MAGI2: variants seen among roughly 807,000 people sequenced by gnomAD.
The protein encoded by MAGI2 is membrane associated guanylate kinase, WW and PDZ domain containing 2, also known as membrane-associated guanylate kinase, WW and PDZ domain-containing protein 2.
MAGI2 carries 35 observed loss-of-function variants against 133.3 expected under a neutral mutation model. The observed-to-expected ratio is 0.26, with a 90% CI of 0.20 to 0.35. The LOEUF is 0.35. Among genes scored for constraint, MAGI2 ranks in the 10% least tolerant of loss-of-function variants. MAGI2 has a pLI of 1.00. For synonymous variants in MAGI2, 729 were observed against 710.6 expected (o/e 1.03, Z -0.41); for missense variants, 1,636 against 1,863.4 (o/e 0.88, Z 2.25).
rs905683946 is a variant in MAGI2 at position 78,759,176 on chromosome 7, G to A, written c.419-131937C>T. On this transcript the variant is annotated intron_variant, in intron 2 of 21. Transcript: ENST00000354212. ...TTAATGTCAATAAAATAACAAAATAGTCTCCATATTAAGTAATCAAGTCTA... is the reference window on the plus strand; with the variant it reads ...TTAATGTCAATAAAATAACAAAATAATCTCCATATTAAGTAATCAAGTCTA... 3.3e-5 allele frequency among the ~76,000 whole-genome samples: 5 copies of A among 151,938 alleles called. No homozygotes were observed. The South Asian group carries it at 8.3e-4, about 25-fold the overall frequency.
Position 78,160,149 on chromosome 7 carries a change from G to A in MAGI2, c.2721C>T (p.Pro907=), listed in dbSNP as rs766902951. 3 of 1,612,804 alleles carry A rather than the reference G, an allele frequency of 1.9e-6. No individual in the cohort carries two copies. Among genetic ancestry groups the A allele is most frequent in the East Asian group, 4.5e-5 (2 of 44,858 alleles). The change falls in exon 16 of 22, where the codon CCC becomes CCT. Residue 907 remains proline, a synonymous_variant. Coordinates refer to ENST00000354212, the MANE Select transcript of MAGI2 (RefSeq NM_012301.4). The part of the protein sequence containing the change: ...NHAAPSSNAS[P]PEGFASHSLQ... ...GGCTGTGGGAGGCGAAGCCTTCAGGGGGAGAGGCATTGCTACTGGGGGCAG... is the reference window on the plus strand; with the variant it reads ...GGCTGTGGGAGGCGAAGCCTTCAGGAGGAGAGGCATTGCTACTGGGGGCAG...
chr7:78,943,582 T>A (rs1368565774), intron 2 of MAGI2, among the ~76,000 whole-genome samples: 1 of 152,212 alleles, frequency 6.6e-6, no homozygotes, highest in Non-Finnish European at 1.5e-5. Flanking sequence ...AGTATGCTTT[T>A]AATGTTTTGT....
intron 2 of MAGI2, among the ~76,000 whole-genome samples, chr7:78,898,406 A>G (rs1004416727): frequency 3.3e-5 from 5 of 152,200 alleles, no homozygotes; most frequent in Non-Finnish European, 7.3e-5. Context: ...ATCAACCTAA[A>G]TGTCCATTAA....
intron 1 of MAGI2, among the ~76,000 whole-genome samples, chr7:79,238,236 T>G (rs1198852043): frequency 6.6e-6 from 1 of 152,164 alleles, no homozygotes; most frequent in African/African-American, 2.4e-5. Context: ...TTTGTACTAT[T>G]TCATTATTCT....
At chr7:79,013,937 T>C (rs1365647904) in intron 1 of MAGI2, among the ~76,000 whole-genome samples, 2 of 152,216 alleles carry the variant, frequency 1.3e-5, no homozygotes, top group Non-Finnish European at 2.9e-5. Flanking sequence ...TTTCTATCCC[T>C]TCAATATTTT....
At chr7:79,007,285 C>T (rs1464952406) in intron 1 of MAGI2, 79 bp from the exon 2 acceptor site, 9 of 749,524 alleles carry the variant, frequency 1.2e-5, no homozygotes, top group African/African-American at 1.1e-4. Flanking sequence ...CATCAATATA[C>T]TCAGGAACCC....
At chr7:79,337,902 C>T (rs890751100) in intron 1 of MAGI2, among the ~76,000 whole-genome samples, 2 of 152,064 alleles carry the variant, frequency 1.3e-5, no homozygotes, top group African/African-American at 4.8e-5. Flanking sequence ...CTTGCTTCAG[C>T]ATTGCCACCA....
At chr7:79,386,282 T>C (rs1844176150) in intron 1 of MAGI2, among the ~76,000 whole-genome samples, 1 of 152,046 alleles carries the variant, frequency 6.6e-6, no homozygotes, top group Non-Finnish European at 1.5e-5. Context: ...AAATTAGTGT[T>C]GGGAAACTGT....
chr7:78,791,427 A>C (rs1489112624), intron 2 of MAGI2, among the ~76,000 whole-genome samples: 2 of 152,194 alleles, frequency 1.3e-5, no homozygotes, highest in Non-Finnish European at 2.9e-5. Context: ...ATTACGAATG[A>C]AAAGATTATC....
intron 21 of MAGI2, among the ~76,000 whole-genome samples, chr7:78,071,452 G>A (rs1349069274): frequency 6.6e-6 from 1 of 152,120 alleles, no homozygotes; most frequent in Non-Finnish European, 1.5e-5. Flanking sequence ...CAGGAGGATC[G>A]CTTGAACCTG....
At chr7:78,115,000 C>G (rs1345219534) in intron 20 of MAGI2, among the ~76,000 whole-genome samples, 2 of 152,224 alleles carry the variant, frequency 1.3e-5, no homozygotes, top group Non-Finnish European at 2.9e-5. Flanking sequence ...ATGTTACTAA[C>G]TGCTGTTTAT....
At chr7:78,332,692 C>T (rs73134539) in intron 9 of MAGI2, among the ~76,000 whole-genome samples, 30,885 of 119,232 alleles carry the variant, frequency 0.26, 3,859 homozygotes, top group East Asian at 0.54. Flanking sequence ...AGCGAGACTC[C>T]GTCTCAAAAA....
At chr7:78,418,457 C>A (rs973763368) in intron 6 of MAGI2, among the ~76,000 whole-genome samples, 1 of 152,082 alleles carries the variant, frequency 6.6e-6, no homozygotes, top group Admixed American at 6.6e-5. Flanking sequence ...GAACTACCAG[C>A]ACAATTCAAC....
At chr7:78,397,397 ACC>A (rs1491156250) in intron 6 of MAGI2, among the ~76,000 whole-genome samples, 2 of 146,956 alleles carry the variant, frequency 1.4e-5, no homozygotes, top group South Asian at 2.2e-4. Context: ...ACACACACAC[ACC>A]CCTTGTCTTA....
intron 1 of MAGI2, among the ~76,000 whole-genome samples, chr7:79,264,997 C>T (rs755158117): frequency 1.3e-5 from 2 of 152,084 alleles, no homozygotes; most frequent in African/African-American, 2.4e-5. Context: ...ACCCCCATGA[C>T]CCCACCACCT....
intron 2 of MAGI2, among the ~76,000 whole-genome samples, chr7:78,915,566 T>C (rs1359656291): frequency 6.6e-6 from 1 of 152,082 alleles, no homozygotes; most frequent in African/African-American, 2.4e-5. Context: ...TTTTTTCAAA[T>C]TCCTATGAAT....
chr7:79,309,988 A>G (rs1164102541), intron 1 of MAGI2, among the ~76,000 whole-genome samples: 1 of 149,348 alleles, frequency 6.7e-6, no homozygotes, highest in African/African-American at 2.4e-5. Flanking sequence ...AAAAAAGAAA[A>G]GAAAAGAAAG....
chr7:78,392,851 C>T (rs779088317), intron 6 of MAGI2, among the ~76,000 whole-genome samples: 4 of 151,974 alleles, frequency 2.6e-5, no homozygotes, highest in Non-Finnish European at 5.9e-5. Context: ...CCATGTTGGT[C>T]GGGCTGGTTT....
At chr7:78,364,970 A>G (rs1415764492) in intron 7 of MAGI2, among the ~76,000 whole-genome samples, 4 of 152,214 alleles carry the variant, frequency 2.6e-5, no homozygotes, top group African/African-American at 7.2e-5. Flanking sequence ...CTGCTGCTAC[A>G]TAGAGTGAGA....
Sources: gnomAD v4.1 joint callset for allele counts (sites outside exome capture counted in the v4.1 genomes callset) on GRCh38, gnomAD v4.1.1 for gene constraint, MANE v1.5 for transcripts, NCBI Gene and HGNC (gene_info 2026-07-23, HGNC 2026-07-21) for gene names.